Variants in ULK2 observed in about 807,000 individuals in gnomAD.
The protein encoded by ULK2 is serine/threonine-protein kinase ULK2.
ULK2 carries 76 observed loss-of-function variants against 127.5 expected under a neutral mutation model. The observed-to-expected ratio is 0.60, with a 90% CI of 0.50 to 0.72. The LOEUF (loss-of-function observed/expected upper bound fraction) is 0.72. Among genes scored for constraint, ULK2 ranks in the 30% least tolerant of loss-of-function variants. The pLI, the probability that ULK2 is intolerant of heterozygous loss-of-function variation, is 0.00. For missense variants in ULK2, 1,144 were observed against 1,295.9 expected, an observed-to-expected ratio of 0.88 and a Z score of 1.80; for synonymous variants, 452 against 461.9, an observed-to-expected ratio of 0.98 and a Z score of 0.28.
chr17:19,833,995 T>C (rs1029546824), intron 10 of ULK2, among the ~76,000 whole-genome samples: 1 of 152,174 alleles, frequency 6.6e-6, no homozygotes, highest in Non-Finnish European at 1.5e-5. Context: ...AACACAGAGA[T>C]ACACATCTAG....
Position 19,858,975 on chromosome 17 carries a change from A to G in ULK2, c.225+5828T>C, listed in dbSNP as rs149270780. 9.4e-3 allele frequency among the ~76,000 whole-genome samples: 1,424 copies of G among 152,198 alleles called. 27 individuals carry two copies. The highest frequency in any genetic ancestry group is 0.091 in the East Asian group (469 of 5,172). The stretch of plus-strand genomic sequence containing the variant: ...ACAGAGTGAAACTCCGTCTCAAAAA[A>G]AAAGAAAGAAAGAAAGAAAAGTAAT... On this transcript the variant is annotated intron_variant, in intron 3 of 26. Coordinates refer to ENST00000395544, the MANE Select transcript of ULK2 (RefSeq NM_014683.4).
At position 19,797,755 on chromosome 17, in the gene ULK2, C is replaced by T. The variant is rs1386639753; in HGVS notation, c.1523-73G>A. 8.5e-5 allele frequency: 109 copies of T among 1,279,380 alleles called. 1 individual carries two copies. The highest frequency in any genetic ancestry group is 1.4e-5 in the Non-Finnish European group (14 of 974,340). 79.3% of individuals were successfully genotyped at this position (1,279,380 alleles called of 1,614,324 possible). ...TGCAAAAATGTAAAAATTAAGAAGACAATTTTTAAAATGAGAATTCTGATA... is the reference window on the plus strand; with the variant it reads ...TGCAAAAATGTAAAAATTAAGAAGATAATTTTTAAAATGAGAATTCTGATA... On this transcript the variant is annotated intron_variant, in intron 17 of 26. Coordinates refer to ENST00000395544, the MANE Select transcript of ULK2 (RefSeq NM_014683.4).
intron 6 of ULK2, among the ~76,000 whole-genome samples, chr17:19,846,498 G>A (rs913625275): frequency 6.6e-6 from 1 of 151,832 alleles, no homozygotes; most frequent in East Asian, 1.9e-4. Flanking sequence ...AATTTAGCTG[G>A]GCGTAGTGGT....
rs111586281 is a variant in ULK2 at position 19,831,742 on chromosome 17, G to A, written c.788-5556C>T. Among the ~76,000 whole-genome samples, 1,342 of 152,170 alleles carry A rather than the reference G, an allele frequency of 8.8e-3. 8 individuals carry two copies. Among genetic ancestry groups the A allele is most frequent in the South Asian group, 0.021 (99 of 4,822 alleles). ...CTCAGGAGGCTGAGGCAGAAGAATCGCTTTAGCCCAGGAGGCAGGGGTTGT... is the reference window on the plus strand; with the variant it reads ...CTCAGGAGGCTGAGGCAGAAGAATCACTTTAGCCCAGGAGGCAGGGGTTGT... On this transcript the variant is annotated intron_variant, in intron 10 of 26. Coordinates refer to ENST00000395544, the MANE Select transcript of ULK2 (RefSeq NM_014683.4).
chr17:19,785,892 T>C, intron 21 of ULK2, 45 bp downstream of exon 21: 2 of 1,582,978 alleles, frequency 1.3e-6, no homozygotes, highest in South Asian at 2.3e-5. Context: ...AAACACTACA[T>C]TCCAAATACT....
At chr17:19,825,669 G>A (rs1420991427) in intron 11 of ULK2, among the ~76,000 whole-genome samples, 1 of 151,388 alleles carries the variant, frequency 6.6e-6, no homozygotes. Flanking sequence ...ACTCCAGCCT[G>A]AGTGACAGAG....
At chr17:19,846,312 C>T (rs894554863) in intron 6 of ULK2, among the ~76,000 whole-genome samples, 10 of 151,974 alleles carry the variant, frequency 6.6e-5, no homozygotes, top group African/African-American at 2.2e-4. Context: ...GAGAACTCCA[C>T]GATCTCAATA....
chr17:19,781,629 G>A lies in ULK2; in HGVS notation c.2639+260C>T, dbSNP rs118170215. On this transcript the variant is annotated intron_variant, in intron 23 of 26. Transcript: ENST00000395544. ...AAGATGTGTGTACTGTGAAAATAACGGATACACTCAGATAAAAATCAATAC... is the reference window on the plus strand; with the variant it reads ...AAGATGTGTGTACTGTGAAAATAACAGATACACTCAGATAAAAATCAATAC... Among the ~76,000 whole-genome samples, 381 of 152,048 alleles carry A rather than the reference G, an allele frequency of 2.5e-3. 16 individuals carry two copies. The East Asian group carries it at 0.061, about 24-fold the overall frequency.
chr17:19,776,026 T>C lies in ULK2; in HGVS notation c.*323A>G. The C allele has an allele frequency of 3.9e-6, 1 of 259,504 alleles. No homozygotes were observed. Among genetic ancestry groups the C allele is most frequent in the Non-Finnish European group, 7.3e-6 (1 of 137,554 alleles). The allele number at this position is 259,504 out of a possible 1,614,324, so 16.1% of individuals were successfully genotyped here. ...AGTGACGAGCACTCACTTTGTTTCA[T>C]TTTTAATTATCTTTAAGAATAACTG... On this transcript the variant is annotated 3_prime_UTR_variant, in exon 27 of 27. Coordinates refer to ENST00000395544, the MANE Select transcript of ULK2 (RefSeq NM_014683.4).
intron 12 of ULK2, 74 bp from the exon 13 acceptor site, chr17:19,816,994 A>AT (rs200128155): frequency 9.9e-3 from 11,897 of 1,200,290 alleles, no homozygotes; most frequent in South Asian, 0.013. Flanking sequence ...AGACTAAGGA[A>AT]TTTTTTTTTT....
chr17:19,840,261 G>C (rs2041710917), intron 9 of ULK2: 3 of 520,874 alleles, frequency 5.8e-6, no homozygotes, highest in South Asian at 2.9e-5. Flanking sequence ...GCTGAAATGA[G>C]AGTACCTGCT....
chr17:19,822,130 C>T (rs123082), intron 12 of ULK2, among the ~76,000 whole-genome samples: 135,742 of 151,700 alleles, frequency 0.89, 61,444 homozygotes, highest in Non-Finnish European at 0.97. Context: ...GGATTACAGG[C>T]GCACGCCACC....
chr17:19,818,833 C>CTG lies in ULK2; in HGVS notation c.925-1915_925-1914dup, dbSNP rs1321603615. ...TTTTTTTTTTTGAGATGGAGTCTCA[C>CTG]TGTGTCACCCAGGCTGGAGTACAGT... On this transcript the variant is annotated intron_variant, in intron 12 of 26. Coordinates refer to ENST00000395544, the MANE Select transcript of ULK2 (RefSeq NM_014683.4). Among the ~76,000 whole-genome samples the CTG allele has an allele frequency of 2.7e-5, 3 of 111,846 alleles. No individual in the cohort carries two copies. In the East Asian group the frequency reaches 8.5e-4, roughly 32 times the overall value. The allele number at this position is 111,846 out of a possible 152,430, so 73.4% of individuals were successfully genotyped here. A position where few individuals can be genotyped will look rare whatever the true frequency, so the allele number is the denominator to read the frequency against.
Position 19,797,638 on chromosome 17 carries a change from C to A in ULK2, c.1567G>T (p.Gly523Cys). The A allele has an allele frequency of 6.3e-7, 1 of 1,593,538 alleles. No homozygotes were observed. Among genetic ancestry groups the A allele is most frequent in the Non-Finnish European group, 8.6e-7 (1 of 1,169,248 alleles). Reference sequence around the variant, plus strand: ...GTGGGGGCGCTCTGCAGTCTAGCACCCGATAAGAGAGACTGTGGGGACTGA... The same window carrying A: ...GTGGGGGCGCTCTGCAGTCTAGCACACGATAAGAGAGACTGTGGGGACTGA... ...QAQSPQSLLS[G>C]ARLQSAPTLT... The change falls in exon 18 of 27, where the codon GGT (glycine) becomes TGT (cysteine). Residue 523 changes from glycine (G) to cysteine (C), a missense_variant. By Grantham distance (159) the Gly-to-Cys change is radical. Coordinates refer to ENST00000395544, the MANE Select transcript of ULK2 (RefSeq NM_014683.4).
chr17:19,826,820 G>C (rs2152393195), intron 10 of ULK2, among the ~76,000 whole-genome samples: 1 of 152,252 alleles, frequency 6.6e-6, no homozygotes. Context: ...AGCTGGGCAT[G>C]GCGGCCGGCG....
intron 18 of ULK2, among the ~76,000 whole-genome samples, chr17:19,796,868 C>T (rs962482211): frequency 1.3e-5 from 2 of 152,150 alleles, no homozygotes; most frequent in African/African-American, 4.8e-5. Flanking sequence ...CTTGTGTGAC[C>T]TTGCACAATT....
At chr17:19,813,107 T>C (rs1279969478) in intron 13 of ULK2, among the ~76,000 whole-genome samples, 1 of 152,144 alleles carries the variant, frequency 6.6e-6, no homozygotes, top group East Asian at 1.9e-4. Context: ...CTCCAGATAA[T>C]ATCAGGTTTA....
intron 13 of ULK2, among the ~76,000 whole-genome samples, chr17:19,814,421 T>C (rs28683028): frequency 0.022 from 283 of 13,124 alleles, 9 homozygotes; most frequent in African/African-American, 0.097. Flanking sequence ...CATATATATA[T>C]ATATATATAT....
At chr17:19,837,664 T>C (rs1221378962) in intron 10 of ULK2, among the ~76,000 whole-genome samples, 2 of 152,316 alleles carry the variant, frequency 1.3e-5, no homozygotes, top group Admixed American at 6.5e-5. Context: ...GCCAAAAACC[T>C]TGGAGTCATC....
Sources: gnomAD v4.1 joint callset for allele counts (sites outside exome capture counted in the v4.1 genomes callset) on GRCh38, gnomAD v4.1.1 for gene constraint, MANE v1.5 for transcripts, NCBI Gene and HGNC (gene_info 2026-07-23, HGNC 2026-07-21) for gene names.